The following ADD2 variants were observed in gnomAD, a reference collection of about 807,000 sequenced individuals.
ADD2 encodes beta-adducin.
ADD2 carries 23 observed loss-of-function variants against 83.0 expected under a neutral mutation model. That is an observed-to-expected ratio of 0.28 (90% CI 0.20 to 0.39). ADD2 has a LOEUF of 0.39. ADD2 is among the 10% of genes least tolerant of loss of function. The pLI, the probability that ADD2 is intolerant of heterozygous loss-of-function variation, is 1.00. For missense variants in ADD2, 758 were observed against 944.9 expected (o/e 0.80, Z 2.59); for synonymous variants, 375 against 375.4 (o/e 1.00, Z 0.01).
At chr2:70,764,643 G>A (rs1026200233) in intron 1 of ADD2, among the ~76,000 whole-genome samples, 2 of 151,956 alleles carry the variant, frequency 1.3e-5, no homozygotes, top group African/African-American at 4.9e-5. Context: ...AATAGGCCAG[G>A]CATAGTGGCT....
intron 4 of ADD2, among the ~76,000 whole-genome samples, chr2:70,697,405 A>C (rs1671365455): frequency 6.6e-6 from 1 of 152,204 alleles, no homozygotes; most frequent in African/African-American, 2.4e-5. Flanking sequence ...CAGGGCATGC[A>C]AGGGTCTAGG....
rs960458248 is a variant in ADD2 at position 70,766,496 on chromosome 2, C to T, written c.-154+1390G>A. On this transcript the variant is annotated intron_variant, in intron 1 of 15. Transcript: ENST00000264436. ...GGAGATATTATTTGCAAGTCTGAAA[C>T]GTCATAGTTCTCTTCTTTGGTCAGA... is the stretch of plus-strand genomic sequence containing the variant. Among the ~76,000 whole-genome samples the T allele has an allele frequency of 8.5e-5, 13 of 152,296 alleles. No homozygotes were observed. In the East Asian group the frequency reaches 2.3e-3, roughly 27 times the overall value.
At chr2:70,702,394 T>A (rs1228186840) in intron 4 of ADD2, among the ~76,000 whole-genome samples, 1 of 152,096 alleles carries the variant, frequency 6.6e-6, no homozygotes, top group Non-Finnish European at 1.5e-5. Flanking sequence ...CTCAAACTCC[T>A]GACCTCAGGT....
chr2:70,685,671 C>A (rs1208054536), intron 9 of ADD2, among the ~76,000 whole-genome samples: 3 of 152,182 alleles, frequency 2.0e-5, no homozygotes, highest in African/African-American at 7.2e-5. Flanking sequence ...ATCTAAAGCA[C>A]TTAGTGTATC....
Position 70,706,475 on chromosome 2 carries a change from T to C in ADD2, c.-34-33A>G, listed in dbSNP as rs573485929. 11 of 1,532,976 alleles carry C rather than the reference T, an allele frequency of 7.2e-6. No individual in the cohort carries two copies. In the East Asian group the frequency reaches 1.6e-4, roughly 22 times the overall value. 95.0% of individuals were successfully genotyped at this position (1,532,976 alleles called of 1,614,324 possible). On this transcript the variant is annotated intron_variant, in intron 2 of 15. Coordinates refer to ENST00000264436, the MANE Select transcript of ADD2 (RefSeq NM_001617.4). The surrounding 1 kb of genome is among the most constrained non-coding windows in gnomAD (Gnocchi z 5.0). Reference sequence around the variant, plus strand: ...GAAGGGGAGAGGGTATGCGGTCAGGTTGGTGCTCCCCATCGGGGTACACGT... The same window carrying C: ...GAAGGGGAGAGGGTATGCGGTCAGGCTGGTGCTCCCCATCGGGGTACACGT...
chr2:70,704,263 T>TGGGCCCCCCCCCCCCCCCCCCCCCCCAC, intron 4 of ADD2, 58 bp downstream of exon 4: 1 of 913,238 alleles, frequency 1.1e-6, no homozygotes, highest in Non-Finnish European at 1.7e-6. Context: ...CTCCCTCTCT[T>TGGGCCCCCCCCCCCCCCCCCCCCCCCAC]CCCCACCCCA....
At chr2:70,691,065 C>T in intron 7 of ADD2, 136 bp from the exon 8 acceptor site, 1 of 1,068,020 alleles carries the variant, frequency 9.4e-7, no homozygotes, top group Middle Eastern at 3.2e-4. Context: ...GGAGCAGGCA[C>T]AAGAAAGGCC....
In ADD2 at chr2:70,696,328, G is replaced by A; in HGVS notation, c.391C>T (p.Arg131Trp). Residue 131 changes from arginine to tryptophan, a missense_variant, in exon 5 of 16, where the codon CGG (arginine) becomes TGG (tryptophan). Physicochemically the swap from Arg to Trp is moderately radical, Grantham distance 101. Around this residue, in one of 5 missense-constraint regions of ADD2, gnomAD observed 175 missense variants for 192.1 expected, o/e 0.91. Coordinates refer to ENST00000264436, the MANE Select transcript of ADD2 (RefSeq NM_001617.4). ...ADSLNLAKGERLMRCKISSVY... is the reference protein window; with the variant it reads ...ADSLNLAKGEWLMRCKISSVY... ...CTGCTGATCTTGCACCGCATGAGCC[G>A]CTCCCCTTTGGCCAGGTTCAGGGAG... is the stretch of plus-strand genomic sequence containing the variant. 12 of 1,614,082 alleles carry A rather than the reference G, an allele frequency of 7.4e-6. No homozygotes were observed. The highest frequency in any genetic ancestry group is 2.2e-5 in the East Asian group (1 of 44,876).
At chr2:70,663,954 C>T (rs1675646760) in intron 15 of ADD2, among the ~76,000 whole-genome samples, 1 of 152,142 alleles carries the variant, frequency 6.6e-6, no homozygotes, top group Admixed American at 6.5e-5. Context: ...CCCTTGCAGG[C>T]TGGCAGCTCT....
chr2:70,667,742 C>T (rs1558517391), intron 15 of ADD2, among the ~76,000 whole-genome samples: 1 of 152,070 alleles, frequency 6.6e-6, no homozygotes, highest in East Asian at 1.9e-4. Context: ...CCTCAGCCTC[C>T]CGAGTAGCTG....
At chr2:70,742,855 C>T (rs1553381357) in intron 1 of ADD2, among the ~76,000 whole-genome samples, 1 of 151,908 alleles carries the variant, frequency 6.6e-6, no homozygotes, top group African/African-American at 2.4e-5. Flanking sequence ...TACTTACATA[C>T]ATCTTAATGT....
intron 1 of ADD2, among the ~76,000 whole-genome samples, chr2:70,762,859 C>T (rs1553385293): frequency 6.6e-6 from 1 of 151,458 alleles, no homozygotes; most frequent in Non-Finnish European, 1.5e-5. Flanking sequence ...GCGCCCACCA[C>T]CACACCCAGC....
rs1479837687 is a variant in ADD2, at chr2:70,659,192, T to C, written c.*4233A>G. The C allele has an allele frequency of 6.9e-6, 1 of 145,190 alleles. No individual in the cohort carries two copies. The highest frequency in any genetic ancestry group is 6.9e-5 in the Admixed American group (1 of 14,520). 9.0% of individuals were successfully genotyped at this position (145,190 alleles called of 1,614,324 possible). On this transcript the variant is annotated 3_prime_UTR_variant, in exon 16 of 16. Transcript: ENST00000264436. ...AAAAAAGAAAGAAAAAGAAAAAACA[T>C]GTCATGCAGACCTATGCGTAGGCTG...
chr2:70,743,221 G>A (rs969287518), intron 1 of ADD2, among the ~76,000 whole-genome samples: 1 of 152,116 alleles, frequency 6.6e-6, no homozygotes, highest in Non-Finnish European at 1.5e-5. Flanking sequence ...TGAGGAATAG[G>A]GCATGGCTCT....
intron 9 of ADD2, among the ~76,000 whole-genome samples, chr2:70,684,877 A>G (rs1297933355): frequency 1.3e-5 from 2 of 152,188 alleles, no homozygotes; most frequent in East Asian, 1.9e-4. Context: ...ATAGCAGGCA[A>G]TTTTGGAATG....
chr2:70,759,151 G>C (rs1268039476), intron 1 of ADD2, among the ~76,000 whole-genome samples: 2 of 152,104 alleles, frequency 1.3e-5, no homozygotes. Context: ...AAAAGGCACA[G>C]AGAAAACCAT....
chr2:70,663,317 C>T lies in ADD2; in HGVS notation c.*108G>A. The T allele has an allele frequency of 7.9e-7, 1 of 1,269,946 alleles. No individual in the cohort carries two copies. Among genetic ancestry groups the T allele is most frequent in the Non-Finnish European group, 1.1e-6 (1 of 911,898 alleles). 78.7% of individuals were successfully genotyped at this position (1,269,946 alleles called of 1,614,324 possible). On this transcript the variant is annotated 3_prime_UTR_variant, in exon 16 of 16. Coordinates refer to ENST00000264436, the MANE Select transcript of ADD2 (RefSeq NM_001617.4). The stretch of plus-strand genomic sequence containing the variant: ...CTAAGTTCCCCTTCCGAATGTGGTC[C>T]AGGGTCCTACTCTATCCCTCCTTAG...
At chr2:70,758,859 G>C (rs1321927713) in intron 1 of ADD2, among the ~76,000 whole-genome samples, 1 of 152,164 alleles carries the variant, frequency 6.6e-6, no homozygotes, top group African/African-American at 2.4e-5. Flanking sequence ...CAGGGAAGAA[G>C]GTGGGGGGAC....
intron 10 of ADD2, among the ~76,000 whole-genome samples, chr2:70,681,421 G>A (rs1030673716): frequency 1.1e-4 from 16 of 152,160 alleles, no homozygotes; most frequent in African/African-American, 3.6e-4. Context: ...GCTGAGACAG[G>A]TGAGTCACTT....
Sources: allele counts gnomAD v4.1 joint callset (sites outside exome capture counted in the v4.1 genomes callset), GRCh38; gene constraint gnomAD v4.1.1; regional missense constraint gnomAD v4.1.1; non-coding constraint Gnocchi (gnomAD v3.1); transcripts MANE v1.5; gene names NCBI Gene and HGNC (gene_info 2026-07-23, HGNC 2026-07-21).